Variants in GRID1 observed in about 807,000 individuals in gnomAD.
The protein encoded by GRID1 is glutamate ionotropic receptor delta type subunit 1, also known as glutamate receptor ionotropic, delta-1.
A neutral mutation model predicts 98.0 loss-of-function variants in GRID1; 28 were observed. That is an observed-to-expected ratio of 0.29 (90% CI 0.21 to 0.39). The LOEUF is 0.39. Ranked by LOEUF, GRID1 falls within the 10% of genes least tolerant of loss-of-function variation. GRID1 has a pLI of 1.00. For synonymous variants in GRID1, 553 were observed against 538.5 expected (o/e 1.03, Z -0.37); for missense variants, 1,111 against 1,340.5 (o/e 0.83, Z 2.67).
chr10:86,274,721 T>C (rs924462426), intron 2 of GRID1, among the ~76,000 whole-genome samples: 4 of 151,802 alleles, frequency 2.6e-5, no homozygotes, highest in African/African-American at 4.8e-5. Flanking sequence ...TTGTCTGTTA[T>C]TGGTGTATAA....
intron 12 of GRID1, among the ~76,000 whole-genome samples, chr10:85,721,099 A>G (rs1180442785): frequency 6.6e-6 from 1 of 152,222 alleles, no homozygotes; most frequent in African/African-American, 2.4e-5. Flanking sequence ...AAAGGTGTGC[A>G]ACATCATTAG....
At chr10:85,880,863 T>A (rs1840997518) in intron 5 of GRID1, among the ~76,000 whole-genome samples, 1 of 152,156 alleles carries the variant, frequency 6.6e-6, no homozygotes, top group South Asian at 2.1e-4. Context: ...TGATTGTATA[T>A]CTAGAAAACA....
At position 85,914,934 on chromosome 10, in the gene GRID1, C is replaced by A. The variant is rs571737112; in HGVS notation, c.780+1252G>T. ...CACACAGGCCACCCCGGTAGTGCTC[C>A]TCAAAGGATATGTGGGCAGAGGGGA... is the stretch of plus-strand genomic sequence containing the variant. On this transcript the variant is annotated intron_variant, in intron 5 of 15. Coordinates refer to ENST00000327946, the MANE Select transcript of GRID1 (RefSeq NM_017551.3). Among the ~76,000 whole-genome samples the A allele has an allele frequency of 2.0e-5, 3 of 152,228 alleles. No individual in the cohort carries two copies. In the South Asian group the frequency reaches 6.2e-4, roughly 32 times the overall value.
chr10:85,606,211 A>G (rs1842660505), intron 15 of GRID1: 1 of 152,210 alleles, frequency 6.6e-6, no homozygotes, highest in South Asian at 2.1e-4. Flanking sequence ...AAGGACTGCA[A>G]AGCTGCGCAG....
At chr10:86,183,013 T>C (rs1283319009) in intron 3 of GRID1, among the ~76,000 whole-genome samples, 5 of 152,228 alleles carry the variant, frequency 3.3e-5, no homozygotes, top group Admixed American at 6.5e-5. Flanking sequence ...ACTGCATGTA[T>C]TAAAATGTAA....
chr10:85,886,767 C>T (rs1245324560), intron 5 of GRID1, among the ~76,000 whole-genome samples: 1 of 152,038 alleles, frequency 6.6e-6, no homozygotes, highest in East Asian at 1.9e-4. Context: ...TATATTTTGG[C>T]AAACCAGGTG....
intron 2 of GRID1, among the ~76,000 whole-genome samples, chr10:86,243,766 T>A (rs1846674836): frequency 6.6e-6 from 1 of 152,178 alleles, no homozygotes; most frequent in Admixed American, 6.5e-5. Flanking sequence ...AGCATGGGGT[T>A]CCCACCTTCC....
chr10:85,781,470 TA>T (rs1842380546), intron 8 of GRID1, among the ~76,000 whole-genome samples: 1 of 152,234 alleles, frequency 6.6e-6, no homozygotes, highest in Non-Finnish European at 1.5e-5. Context: ...TCTACTTTTG[TA>T]AAATACAACA....
At chr10:85,971,513 T>C (rs1037467270) in intron 4 of GRID1, among the ~76,000 whole-genome samples, 2 of 152,030 alleles carry the variant, frequency 1.3e-5, no homozygotes, top group Non-Finnish European at 2.9e-5. Context: ...AACAACCCAA[T>C]TGAAAAAGTA....
At chr10:86,020,893 G>A (rs1020826116) in intron 4 of GRID1, among the ~76,000 whole-genome samples, 9 of 152,134 alleles carry the variant, frequency 5.9e-5, no homozygotes, top group African/African-American at 2.2e-4. Context: ...TAGACATATA[G>A]AAAAGTACAA....
chr10:85,913,203 CCACTGACTGACTT>C (rs1841565571), intron 5 of GRID1, among the ~76,000 whole-genome samples: 1 of 152,176 alleles, frequency 6.6e-6, no homozygotes, highest in Non-Finnish European at 1.5e-5. Flanking sequence ...TACCTGACCC[CCACTGACTGACTT>C]CACTGAATCA....
intron 12 of GRID1, among the ~76,000 whole-genome samples, chr10:85,667,655 G>A (rs1841037333): frequency 6.6e-6 from 1 of 152,198 alleles, no homozygotes; most frequent in South Asian, 2.1e-4. Flanking sequence ...TGCACTTTAA[G>A]TTCATGAAGA....
chr10:85,723,011 G>T lies in GRID1; in HGVS notation c.1989C>A (p.Asn663Lys). ...AAFLTVSRMD[N>K]PIRTFQDLSK... is the part of the protein sequence containing the mutation. The stretch of plus-strand genomic sequence containing the variant: ...AGGAGGAATAGGCTTACCTTATGGG[G>T]TTGTCCATCCTGGACACTGTGAGGA... The change falls in exon 12 of 16, where the codon AAC becomes AAA. Residue 663 changes from asparagine to lysine, a missense_variant. By Grantham distance (94) the Asn-to-Lys change is moderately conservative (BLOSUM62 0). Transcript: ENST00000327946. 6.2e-7 allele frequency: 1 copy of T among 1,609,512 alleles called. No homozygotes were observed. The highest frequency in any genetic ancestry group is 8.5e-7 in the Non-Finnish European group (1 of 1,177,826).
At chr10:85,907,719 G>T (rs1841482247) in intron 5 of GRID1, among the ~76,000 whole-genome samples, 1 of 150,658 alleles carries the variant, frequency 6.6e-6, no homozygotes, top group African/African-American at 2.4e-5. Flanking sequence ...GACATCAAAA[G>T]AAAAAAAATT....
chr10:86,119,436 T>G lies in GRID1; in HGVS notation c.726+19383A>C, dbSNP rs77724559. On this transcript the variant is annotated intron_variant, in intron 4 of 15. Transcript: ENST00000327946. The stretch of plus-strand genomic sequence containing the variant: ...GTCCCTAATTATGACAAATGTTCTA[T>G]AATGATGTAAGAAGCTAAAAATGGG... 4.5e-3 allele frequency among the ~76,000 whole-genome samples: 684 copies of G among 152,308 alleles called. 21 individuals carry two copies. The East Asian group carries it at 0.078, about 17-fold the overall frequency.
chr10:85,667,062 G>A (rs1388107123), intron 12 of GRID1, among the ~76,000 whole-genome samples: 2 of 152,212 alleles, frequency 1.3e-5, no homozygotes, highest in East Asian at 1.9e-4. Context: ...AGCAGAGGCA[G>A]AGAGGAGCAG....
intron 2 of GRID1, among the ~76,000 whole-genome samples, chr10:86,243,967 GCA>G (rs1372836154): frequency 8.5e-5 from 13 of 152,158 alleles, no homozygotes; most frequent in Non-Finnish European, 1.3e-4. Context: ...GCACATACAT[GCA>G]CACACGTGTG....
chr10:86,268,035 G>A (rs1008709322), intron 2 of GRID1, among the ~76,000 whole-genome samples: 3 of 152,116 alleles, frequency 2.0e-5, no homozygotes, highest in African/African-American at 4.8e-5. Flanking sequence ...CATCTTACCC[G>A]GAGGCAAACC....
At chr10:86,227,925 G>C (rs778406553) in intron 2 of GRID1, among the ~76,000 whole-genome samples, 2 of 152,148 alleles carry the variant, frequency 1.3e-5, no homozygotes, top group Non-Finnish European at 1.5e-5. Context: ...AATGCTGAAT[G>C]ATGGCCACAA....
Sources: allele counts gnomAD v4.1 joint callset (sites outside exome capture counted in the v4.1 genomes callset), GRCh38; gene constraint gnomAD v4.1.1; transcripts MANE v1.5; gene names NCBI Gene and HGNC (gene_info 2026-07-23, HGNC 2026-07-21).